DNAJC6: variants seen among roughly 807,000 people sequenced by gnomAD.
DNAJC6 encodes the protein auxilin.
Under a neutral mutation model 110.0 loss-of-function variants are expected in DNAJC6, and 34 were observed. The observed-to-expected ratio is 0.31, with a 90% CI of 0.24 to 0.41. The LOEUF (loss-of-function observed/expected upper bound fraction) is 0.41, where lower values mean the gene tolerates loss of function less well. Among genes scored for constraint, DNAJC6 ranks in the 10% least tolerant of loss-of-function variants. The probability of loss-of-function intolerance (pLI) is 1.00; values close to 1 mark genes in which losing one functional copy is unlikely to be tolerated. For missense variants in DNAJC6, 1,031 were observed against 1,207.8 expected, an observed-to-expected ratio of 0.85 and a Z score of 2.17; for synonymous variants, 406 against 437.2, an observed-to-expected ratio of 0.93 and a Z score of 0.89.
intron 12 of DNAJC6, 136 bp from the exon 13 acceptor site, chr1:65,394,762 G>A: frequency 9.7e-7 from 1 of 1,029,144 alleles, no homozygotes; most frequent in Non-Finnish European, 1.3e-6. Context: ...CAACAGGTAA[G>A]TCCAGACTAC....
At chr1:65,294,455 A>G (rs1471232610) in intron 1 of DNAJC6, among the ~76,000 whole-genome samples, 1 of 152,212 alleles carries the variant, frequency 6.6e-6, no homozygotes, top group African/African-American at 2.4e-5. Flanking sequence ...ATCATCTGTA[A>G]TTACAAAAGC....
chr1:65,274,925 C>T (rs530352650), intron 1 of DNAJC6, among the ~76,000 whole-genome samples: 7 of 152,114 alleles, frequency 4.6e-5, no homozygotes, highest in East Asian at 1.9e-4. Flanking sequence ...TGTGTGCCTG[C>T]GTGCGTGTGC....
chr1:65,410,112 G>A (rs1402577968), intron 17 of DNAJC6, among the ~76,000 whole-genome samples: 1 of 152,110 alleles, frequency 6.6e-6, no homozygotes, highest in Non-Finnish European at 1.5e-5. Context: ...GTTCCTATGT[G>A]ACAAAATACT....
rs1322655648 is a variant in DNAJC6, at chr1:65,312,342, TGA to T, written c.193+2408_193+2409del. The stretch of plus-strand genomic sequence containing the variant: ...TTGGTTTGAATGAAGGATTGGACTC[TGA>T]GAGTAGGATTCTTTTACTAGTACAA... On this transcript the variant is annotated intron_variant, in intron 1 of 18. Transcript: ENST00000371069. 5.3e-5 allele frequency among the ~76,000 whole-genome samples: 8 copies of T among 152,360 alleles called. No homozygotes were observed. In the East Asian group the frequency reaches 1.5e-3, roughly 29 times the overall value.
chr1:65,407,641 C>T (rs1646089491), intron 16 of DNAJC6, among the ~76,000 whole-genome samples: 1 of 152,172 alleles, frequency 6.6e-6, no homozygotes. Context: ...TCCATAGAGT[C>T]ATGCCAATTC....
At chr1:65,412,513 A>G (rs1646137793) in intron 18 of DNAJC6, among the ~76,000 whole-genome samples, 2 of 152,258 alleles carry the variant, frequency 1.3e-5, no homozygotes, top group Admixed American at 1.3e-4. Flanking sequence ...GAGAAGGAGA[A>G]ACAAGAGCCC....
intron 1 of DNAJC6, among the ~76,000 whole-genome samples, chr1:65,361,481 T>C (rs1186890800): frequency 1.3e-5 from 2 of 152,042 alleles, no homozygotes; most frequent in Non-Finnish European, 2.9e-5. Flanking sequence ...CATGTAGGAG[T>C]GTACTGGTAC....
At chr1:65,391,686 G>GA (rs113399410) in intron 11 of DNAJC6, among the ~76,000 whole-genome samples, 19 of 150,290 alleles carry the variant, frequency 1.3e-4, no homozygotes, top group Admixed American at 4.6e-4. Context: ...CATAGTGCCT[G>GA]AAAAAAAAAA....
At chr1:65,379,647 T>C (rs1645799510) in intron 5 of DNAJC6, 123 bp downstream of exon 5, 26 of 1,346,640 alleles carry the variant, frequency 1.9e-5, no homozygotes, top group Non-Finnish European at 2.2e-5. Context: ...TATTTAGGAA[T>C]TGGGTAATGT....
chr1:65,378,507 C>G (rs1347758582), intron 4 of DNAJC6, among the ~76,000 whole-genome samples: 1 of 152,208 alleles, frequency 6.6e-6, no homozygotes, highest in African/African-American at 2.4e-5. Flanking sequence ...GTAAGAGGTA[C>G]TGTTCACCAC....
intron 14 of DNAJC6, 47 bp downstream of exon 14, chr1:65,398,928 A>C (rs753359495): frequency 1.9e-6 from 3 of 1,594,934 alleles, no homozygotes; most frequent in Non-Finnish European, 2.6e-6. Context: ...TTGCAAAAGC[A>C]TAATCCTTAC....
chr1:65,327,975 A>G (rs1239699982), intron 1 of DNAJC6, among the ~76,000 whole-genome samples: 1 of 152,194 alleles, frequency 6.6e-6, no homozygotes, highest in Non-Finnish European at 1.5e-5. Flanking sequence ...TCAGCCTCTC[A>G]AAGTGTTGGG....
chr1:65,363,674 G>A (rs1645618812), intron 1 of DNAJC6, among the ~76,000 whole-genome samples: 1 of 152,056 alleles, frequency 6.6e-6, no homozygotes, highest in African/African-American at 2.4e-5. Context: ...GGTGCTACTG[G>A]CATCTAGTGA....
intron 1 of DNAJC6, among the ~76,000 whole-genome samples, chr1:65,293,723 C>A (rs1644902240): frequency 6.6e-6 from 1 of 152,082 alleles, no homozygotes; most frequent in Admixed American, 6.5e-5. Flanking sequence ...ATTTCTAATA[C>A]CATTATCAAG....
At chr1:65,331,874 A>G (rs1043670814) in intron 1 of DNAJC6, among the ~76,000 whole-genome samples, 2 of 152,218 alleles carry the variant, frequency 1.3e-5, no homozygotes, top group African/African-American at 2.4e-5. Flanking sequence ...ACTGAGGCAC[A>G]GAGCTATCAC....
chr1:65,275,265 T>C (rs768340827), intron 1 of DNAJC6, among the ~76,000 whole-genome samples: 8 of 152,244 alleles, frequency 5.3e-5, no homozygotes, highest in Non-Finnish European at 1.0e-4. Flanking sequence ...AGTGCATATA[T>C]GCTAGAAACA....
In DNAJC6 at chr1:65,275,669, C is replaced by G. The variant is rs529095639; in HGVS notation, c.-131+10737C>G. On this transcript the variant is annotated intron_variant, in intron 1 of 19. Coordinates refer to the DNAJC6 transcript ENST00000263441. Reference sequence around the variant, plus strand: ...TCCAAACAGTGTTTTGTTCCTTTCTCTCTTTCTGGGACTCCGGGTACCTTT... The same window carrying G: ...TCCAAACAGTGTTTTGTTCCTTTCTGTCTTTCTGGGACTCCGGGTACCTTT... Among the ~76,000 whole-genome samples the G allele has an allele frequency of 1.4e-3, 215 of 152,154 alleles. 2 individuals are homozygous for G. The highest frequency in any genetic ancestry group is 4.8e-3 in the African/African-American group (200 of 41,534).
intron 1 of DNAJC6, among the ~76,000 whole-genome samples, chr1:65,363,883 A>G (rs1303437456): frequency 2.0e-5 from 3 of 152,180 alleles, no homozygotes; most frequent in Non-Finnish European, 2.9e-5. Flanking sequence ...TATTTGACAG[A>G]TAGCACTAAT....
chr1:65,413,200 C>T lies in DNAJC6; in HGVS notation c.*175C>T. 2 of 561,914 alleles carry T rather than the reference C, an allele frequency of 3.6e-6. No homozygotes were observed. The highest frequency in any genetic ancestry group is 3.1e-6 in the Non-Finnish European group (1 of 325,202). 34.8% of individuals were successfully genotyped at this position (561,914 alleles called of 1,614,324 possible). On this transcript the variant is annotated 3_prime_UTR_variant, in exon 19 of 19. Coordinates refer to ENST00000371069, the MANE Select transcript of DNAJC6 (RefSeq NM_001256864.2). ...AAGGAATGTGGATGTTTGGTTTCTC[C>T]AAAGTTCCCACCATAAAAGATCCAA...
Sources: allele counts gnomAD v4.1 joint callset (sites outside exome capture counted in the v4.1 genomes callset), GRCh38; gene constraint gnomAD v4.1.1; transcripts MANE v1.5; gene names NCBI Gene and HGNC (gene_info 2026-07-23, HGNC 2026-07-21).